The following LRFN5 variants were observed in gnomAD, a reference collection of about 807,000 sequenced individuals.
LRFN5 encodes leucine rich repeat and fibronectin type III domain containing 5, also known as leucine-rich repeat and fibronectin type-III domain-containing protein 5.
Under a neutral mutation model 45.6 loss-of-function variants are expected in LRFN5, and 24 were observed. The observed-to-expected ratio is 0.53, with a 90% CI of 0.38 to 0.74. The LOEUF (loss-of-function observed/expected upper bound fraction) is 0.74. Among genes scored for constraint, LRFN5 ranks in the 30% least tolerant of loss-of-function variants. LRFN5 has a pLI of 0.00. For missense variants in LRFN5, 776 were observed against 861.5 expected, an observed-to-expected ratio of 0.90 and a Z score of 1.24; for synonymous variants, 340 against 313.8, an observed-to-expected ratio of 1.08 and a Z score of -0.88.
At chr14:41,781,653 GAAA>G in intron 2 of LRFN5, among the ~76,000 whole-genome samples, 1 of 143,312 alleles carries the variant, frequency 7.0e-6, no homozygotes, top group African/African-American at 2.6e-5. Flanking sequence ...GAAAGAGAAA[GAAA>G]GAAAGAAAGG....
At chr14:41,780,913 A>G (rs148251764) in intron 2 of LRFN5, among the ~76,000 whole-genome samples, 91 of 152,248 alleles carry the variant, frequency 6.0e-4, no homozygotes, top group Admixed American at 1.5e-3. Flanking sequence ...GTAACACTAT[A>G]CTATTTTACA....
At chr14:41,650,268 A>ACACACACACACACACACACACAC (rs1437857911) in intron 1 of LRFN5, among the ~76,000 whole-genome samples, 13 of 129,396 alleles carry the variant, frequency 1.0e-4, no homozygotes, top group East Asian at 2.6e-4. Flanking sequence ...CACACACACA[A>ACACACACACACACACACACACAC]AAAAAAAAAA....
At chr14:41,880,838 G>T (rs1164367019) in intron 2 of LRFN5, among the ~76,000 whole-genome samples, 1 of 152,048 alleles carries the variant, frequency 6.6e-6, no homozygotes, top group Non-Finnish European at 1.5e-5. Context: ...CAGTGTTTTC[G>T]TGGTTTCTTG....
intron 4 of LRFN5, among the ~76,000 whole-genome samples, chr14:41,895,297 T>A (rs1890901278): frequency 6.6e-6 from 1 of 152,086 alleles, no homozygotes; most frequent in African/African-American, 2.4e-5. Context: ...TACAAATATA[T>A]AAATACATAA....
chr14:41,738,686 G>T (rs78570562), intron 1 of LRFN5, among the ~76,000 whole-genome samples: 1,598 of 152,268 alleles, frequency 0.01, 25 homozygotes, highest in African/African-American at 0.036. Context: ...GCTTTCGTCT[G>T]ATAGCTTTCA....
At chr14:41,771,814 C>G (rs1332132075) in intron 2 of LRFN5, among the ~76,000 whole-genome samples, 2 of 152,200 alleles carry the variant, frequency 1.3e-5, no homozygotes, top group African/African-American at 4.8e-5. Context: ...TCTCCAAAGT[C>G]TCCCAAACTC....
rs1419433666 is a variant in LRFN5, at chr14:41,894,091, T to C, written c.2098+2129T>C. The C allele has an allele frequency of 5.1e-6, 5 of 983,890 alleles. No homozygotes were observed. In the African/African-American group the frequency reaches 7.0e-5, roughly 14 times the overall value. 60.9% of individuals were successfully genotyped at this position (983,890 alleles called of 1,614,324 possible). A position where few individuals can be genotyped will look rare whatever the true frequency, so the allele number is the denominator to read the frequency against. The stretch of plus-strand genomic sequence containing the variant: ...TTTTCTCTTCTTAGATTTATCAGCA[T>C]AGTATTAAAAATATTGAACATACAA... On this transcript the variant is annotated intron_variant, in intron 4 of 5. Coordinates refer to ENST00000298119, the MANE Select transcript of LRFN5 (RefSeq NM_152447.5).
At chr14:41,706,744 C>G (rs1883083199) in intron 1 of LRFN5, among the ~76,000 whole-genome samples, 1 of 151,918 alleles carries the variant, frequency 6.6e-6, no homozygotes, top group African/African-American at 2.4e-5. Flanking sequence ...GAATATTTTT[C>G]CTTTTGTTAA....
At chr14:41,678,808 T>A (rs940395506) in intron 1 of LRFN5, among the ~76,000 whole-genome samples, 4 of 152,164 alleles carry the variant, frequency 2.6e-5, no homozygotes, top group Admixed American at 2.0e-4. Context: ...GCAGTCATGG[T>A]ACCAGGTTTT....
At chr14:41,857,248 A>G (rs1222773766) in intron 2 of LRFN5, among the ~76,000 whole-genome samples, 1 of 152,164 alleles carries the variant, frequency 6.6e-6, no homozygotes, top group Non-Finnish European at 1.5e-5. Context: ...GACATATTCA[A>G]GGTCCCTTAG....
At chr14:41,692,940 CT>C (rs1180059578) in intron 1 of LRFN5, among the ~76,000 whole-genome samples, 12 of 151,898 alleles carry the variant, frequency 7.9e-5, no homozygotes, top group Admixed American at 5.9e-4. Context: ...TTAAAGTTTA[CT>C]TTTTTTTCCT....
intron 1 of LRFN5, among the ~76,000 whole-genome samples, chr14:41,718,835 T>C (rs1220429036): frequency 6.6e-6 from 1 of 152,218 alleles, no homozygotes; most frequent in African/African-American, 2.4e-5. Flanking sequence ...TACTGCTTTA[T>C]AGGTACCTAT....
chr14:41,712,617 GT>G (rs1479650805), intron 1 of LRFN5, among the ~76,000 whole-genome samples: 5 of 152,064 alleles, frequency 3.3e-5, no homozygotes, highest in African/African-American at 9.7e-5. Context: ...AAATGAACAG[GT>G]TTAGGTATTC....
At chr14:41,734,141 T>G (rs1286397669) in intron 1 of LRFN5, among the ~76,000 whole-genome samples, 1 of 143,560 alleles carries the variant, frequency 7.0e-6, no homozygotes, top group East Asian at 2.1e-4. Context: ...TTCTCCCGCC[T>G]CAGCCTTCTG....
At chr14:41,628,938 G>T (rs915700460) in intron 1 of LRFN5, among the ~76,000 whole-genome samples, 1 of 151,976 alleles carries the variant, frequency 6.6e-6, no homozygotes, top group African/African-American at 2.4e-5. Context: ...TGTTTATGTC[G>T]AATCTACCTT....
chr14:41,689,773 T>C (rs1275765628), intron 1 of LRFN5, among the ~76,000 whole-genome samples: 4 of 150,180 alleles, frequency 2.7e-5, no homozygotes, highest in African/African-American at 7.3e-5. Flanking sequence ...CGGGCGCCTG[T>C]AGTCCCAGCT....
intron 1 of LRFN5, among the ~76,000 whole-genome samples, chr14:41,620,057 C>T (rs1009077554): frequency 6.6e-6 from 1 of 151,936 alleles, no homozygotes; most frequent in Non-Finnish European, 1.5e-5. Context: ...TTATATTTTA[C>T]AGGTTAGACT....
chr14:41,871,453 G>T (rs1890015794), intron 2 of LRFN5, among the ~76,000 whole-genome samples: 1 of 151,998 alleles, frequency 6.6e-6, no homozygotes, highest in South Asian at 2.1e-4. Context: ...GTTGGGCATG[G>T]TGGTGGGCAC....
At chr14:41,787,260 CT>C (rs1886756254) in intron 2 of LRFN5, among the ~76,000 whole-genome samples, 2 of 152,020 alleles carry the variant, frequency 1.3e-5, no homozygotes, top group Admixed American at 1.3e-4. Context: ...ATCTTGGGAG[CT>C]TTCTCTATGC....
Sources: allele counts gnomAD v4.1 joint callset (sites outside exome capture counted in the v4.1 genomes callset), GRCh38; gene constraint gnomAD v4.1.1; transcripts MANE v1.5; gene names NCBI Gene and HGNC (gene_info 2026-07-23, HGNC 2026-07-21).